The following HCN1 variants were observed in gnomAD, a reference collection of about 807,000 sequenced individuals.
The protein encoded by HCN1 is potassium/sodium hyperpolarization-activated cyclic nucleotide-gated channel 1.
Under a neutral mutation model 78.9 loss-of-function variants are expected in HCN1, and 13 were observed. The observed-to-expected ratio is 0.16, with a 90% CI of 0.11 to 0.26. HCN1 has a LOEUF of 0.26. Among genes scored for constraint, HCN1 ranks in the 10% least tolerant of loss-of-function variants. HCN1 has a pLI of 1.00. For synonymous variants in HCN1, 552 were observed against 455.5 expected (o/e 1.21, Z -2.70); for missense variants, 810 against 1,154.3 (o/e 0.70, Z 4.32).
At chr5:45,365,614 A>G (rs866636614) in intron 4 of HCN1, among the ~76,000 whole-genome samples, 2 of 151,884 alleles carry the variant, frequency 1.3e-5, no homozygotes, top group South Asian at 2.1e-4. Context: ...TGTTGGTTCC[A>G]TGATTTTGTC....
intron 1 of HCN1, among the ~76,000 whole-genome samples, chr5:45,660,504 CTGGCAAGT>C (rs2112057598): frequency 6.6e-6 from 1 of 150,888 alleles, no homozygotes; most frequent in African/African-American, 2.4e-5. Flanking sequence ...AAAACACAGA[CTGGCAAGT>C]TGGATAAAGA....
At chr5:45,519,737 T>G (rs1742579828) in intron 2 of HCN1, among the ~76,000 whole-genome samples, 1 of 152,010 alleles carries the variant, frequency 6.6e-6, no homozygotes. Flanking sequence ...TTGGAAAATC[T>G]AAGAGGGACC....
chr5:45,497,095 AT>A (rs1237141319), intron 2 of HCN1, among the ~76,000 whole-genome samples: 1 of 152,102 alleles, frequency 6.6e-6, no homozygotes, highest in East Asian at 1.9e-4. Context: ...TGTTCTTTAA[AT>A]TTGCTGAGGA....
intron 1 of HCN1, among the ~76,000 whole-genome samples, chr5:45,663,436 CA>C (rs1418209736): frequency 1.7e-5 from 2 of 116,450 alleles, no homozygotes; most frequent in Non-Finnish European, 3.5e-5. Flanking sequence ...GCAATGGCAA[CA>C]AAAGACAAAA....
In HCN1 at chr5:45,512,164, A is replaced by G. The variant is rs142659033; in HGVS notation, c.850-50157T>C. 4.6e-3 allele frequency among the ~76,000 whole-genome samples: 700 copies of G among 152,174 alleles called. 4 individuals carry two copies. Among genetic ancestry groups the G allele is most frequent in the African/African-American group, 0.015 (623 of 41,564 alleles). On this transcript the variant is annotated intron_variant, in intron 2 of 7. Coordinates refer to ENST00000303230, the MANE Select transcript of HCN1 (RefSeq NM_021072.4). ...TTTACAAAACCCTATTTTAACTCTCATAAATTTGAGAATAAAAGTATTTCA... is the reference window on the plus strand; with the variant it reads ...TTTACAAAACCCTATTTTAACTCTCGTAAATTTGAGAATAAAAGTATTTCA...
At chr5:45,574,746 A>C (rs571316694) in intron 2 of HCN1, 14 of 152,318 alleles carry the variant, frequency 9.2e-5, no homozygotes, top group African/African-American at 3.1e-4. Flanking sequence ...GAAGGAAATT[A>C]AAAAGGCTAC....
chr5:45,551,596 G>T (rs1579964578), intron 2 of HCN1, among the ~76,000 whole-genome samples: 1 of 151,732 alleles, frequency 6.6e-6, no homozygotes, highest in South Asian at 2.1e-4. Context: ...CTCACAAAGG[G>T]CATTGTTTAT....
intron 5 of HCN1, among the ~76,000 whole-genome samples, chr5:45,307,540 C>G (rs1448503396): frequency 1.3e-5 from 2 of 152,242 alleles, no homozygotes; most frequent in East Asian, 3.9e-4. Context: ...ACTTTTGTGG[C>G]ATTCCTACAC....
intron 1 of HCN1, among the ~76,000 whole-genome samples, chr5:45,655,557 T>C (rs1305934959): frequency 6.6e-6 from 1 of 152,138 alleles, no homozygotes. Flanking sequence ...CCACCTATTC[T>C]TATCAGTCAC....
At chr5:45,296,259 T>C (rs1267654363) in intron 6 of HCN1, among the ~76,000 whole-genome samples, 1 of 151,746 alleles carries the variant, frequency 6.6e-6, no homozygotes, top group Non-Finnish European at 1.5e-5. Context: ...CCTCAGCAAA[T>C]AGAAAATAAT....
chr5:45,333,615 T>C (rs1746391774), intron 5 of HCN1, among the ~76,000 whole-genome samples: 1 of 151,842 alleles, frequency 6.6e-6, no homozygotes, highest in Non-Finnish European at 1.5e-5. Context: ...CTTTATAGTT[T>C]GATGCCCTGG....
chr5:45,311,663 C>T lies in HCN1; in HGVS notation c.1378-7824G>A, dbSNP rs114500741. On this transcript the variant is annotated intron_variant, in intron 5 of 7. Transcript: ENST00000303230. The stretch of plus-strand genomic sequence containing the variant: ...TATGTTGCCCATAAAAGGAACAGTT[C>T]GATATAAAAGTGTTGACTGAAGAAA... Among the ~76,000 whole-genome samples the T allele has an allele frequency of 7.1e-3, 1,082 of 152,074 alleles. 16 individuals carry two copies. The highest frequency in any genetic ancestry group is 0.024 in the African/African-American group (1,009 of 41,486).
At chr5:45,636,981 T>A (rs2112019853) in intron 2 of HCN1, among the ~76,000 whole-genome samples, 1 of 152,332 alleles carries the variant, frequency 6.6e-6, no homozygotes, top group Non-Finnish European at 1.5e-5. Context: ...TAACTTAAAT[T>A]TCAATAAACT....
intron 5 of HCN1, among the ~76,000 whole-genome samples, chr5:45,334,421 CT>C (rs776292000): frequency 9.3e-5 from 14 of 149,754 alleles, no homozygotes; most frequent in East Asian, 3.9e-4. Context: ...GGTGAACACA[CT>C]TTTTTTTTTC....
At chr5:45,515,219 A>G (rs1253553912) in intron 2 of HCN1, among the ~76,000 whole-genome samples, 2 of 152,012 alleles carry the variant, frequency 1.3e-5, no homozygotes, top group African/African-American at 2.4e-5. Flanking sequence ...ATCAAGCTGT[A>G]ATAGGTTTTC....
chr5:45,297,109 G>A (rs539534957), intron 6 of HCN1, among the ~76,000 whole-genome samples: 7 of 151,960 alleles, frequency 4.6e-5, no homozygotes, highest in Non-Finnish European at 8.8e-5. Flanking sequence ...TTTATTAACA[G>A]CAAACCTGTC....
chr5:45,633,840 T>C (rs1405416402), intron 2 of HCN1, among the ~76,000 whole-genome samples: 20 of 151,994 alleles, frequency 1.3e-4, no homozygotes, highest in Admixed American at 1.1e-3. Context: ...TAAACAGAGT[T>C]CTTCAAAAAT....
chr5:45,275,356 C>T (rs1438809229), intron 6 of HCN1, among the ~76,000 whole-genome samples: 1 of 151,994 alleles, frequency 6.6e-6, no homozygotes, highest in Admixed American at 6.6e-5. Flanking sequence ...ATACAATATA[C>T]CAAATAGGCA....
chr5:45,423,200 TA>T (rs1159286669), intron 3 of HCN1, among the ~76,000 whole-genome samples: 1 of 152,020 alleles, frequency 6.6e-6, no homozygotes, highest in African/African-American at 2.4e-5. Flanking sequence ...TTTTAAAAAT[TA>T]AAAAAATACT....
Sources: gnomAD v4.1 joint callset for allele counts (sites outside exome capture counted in the v4.1 genomes callset) on GRCh38, gnomAD v4.1.1 for gene constraint, MANE v1.5 for transcripts, NCBI Gene and HGNC (gene_info 2026-07-23, HGNC 2026-07-21) for gene names.